The following SH3KBP1 variants were observed in gnomAD, a reference collection of about 807,000 sequenced individuals.
SH3KBP1 encodes the protein SH3 domain containing kinase binding protein 1, also known as SH3 domain-containing kinase-binding protein 1.
SH3KBP1 carries 8 observed loss-of-function variants against 50.1 expected under a neutral mutation model. The ratio of observed to expected loss-of-function variants is 0.16; its 90% CI spans 0.09 to 0.29. The LOEUF (loss-of-function observed/expected upper bound fraction) is 0.29, where lower values mean the gene tolerates loss of function less well. Ranked by LOEUF, SH3KBP1 falls within the 10% of genes least tolerant of loss-of-function variation. The pLI, the probability that SH3KBP1 is intolerant of heterozygous loss-of-function variation, is 1.00. For synonymous variants in SH3KBP1, 227 were observed against 218.6 expected (o/e 1.04, Z -0.34); for missense variants, 377 against 535.2 (o/e 0.70, Z 2.92).
intron 15 of SH3KBP1, among the ~76,000 whole-genome samples, chrX:19,544,709 C>T (rs1377021568): frequency 3.6e-5 from 4 of 112,051 alleles, no homozygotes; most frequent in African/African-American, 6.5e-5. Context: ...CGGCCCATTT[C>T]GGCTACTGAG....
chrX:19,859,085 AT>A (rs1212310072), intron 1 of SH3KBP1, among the ~76,000 whole-genome samples: 1 of 111,957 alleles, frequency 8.9e-6, no homozygotes, highest in African/African-American at 3.2e-5. Flanking sequence ...CACAAGAAGC[AT>A]TTTTTAATGA....
At chrX:19,553,672 T>C in intron 13 of SH3KBP1, among the ~76,000 whole-genome samples, 1 of 104,584 alleles carries the variant, frequency 9.6e-6, no homozygotes, top group East Asian at 3.0e-4. Flanking sequence ...CCCATTCTGT[T>C]TTACTGGTTG....
intron 6 of SH3KBP1, among the ~76,000 whole-genome samples, chrX:19,651,830 A>ACAGT (rs760163287): frequency 1.9e-3 from 214 of 111,916 alleles, no homozygotes; most frequent in South Asian, 9.0e-3. Flanking sequence ...CCTCATCTCT[A>ACAGT]CAGTCAGTCA....
intron 2 of SH3KBP1, among the ~76,000 whole-genome samples, chrX:19,788,462 C>T (rs1292861263): frequency 9.1e-6 from 1 of 110,092 alleles, no homozygotes; most frequent in Non-Finnish European, 1.9e-5. Flanking sequence ...TCAGAAGGAA[C>T]CAACCCTGCC....
chrX:19,758,211 C>T (rs1197559302), intron 2 of SH3KBP1, among the ~76,000 whole-genome samples: 1 of 108,266 alleles, frequency 9.2e-6, no homozygotes, highest in Non-Finnish European at 1.9e-5. Flanking sequence ...GCCTGTAATC[C>T]CAGCTACTCG....
intron 2 of SH3KBP1, among the ~76,000 whole-genome samples, chrX:19,791,336 G>C (rs755034452): frequency 9.0e-6 from 1 of 111,253 alleles, no homozygotes; most frequent in East Asian, 2.8e-4. Flanking sequence ...ACTCATAATA[G>C]AAGGTGACTT....
intron 2 of SH3KBP1, among the ~76,000 whole-genome samples, chrX:19,766,787 G>T (rs1490343945): frequency 9.0e-6 from 1 of 110,523 alleles, no homozygotes; most frequent in Non-Finnish European, 1.9e-5. Context: ...CACCACGCCT[G>T]GTCCGATTGT....
intron 2 of SH3KBP1, among the ~76,000 whole-genome samples, chrX:19,787,651 T>C (rs927028020): frequency 1.8e-5 from 2 of 111,957 alleles, no homozygotes; most frequent in Admixed American, 9.5e-5. Context: ...AGCCAACATA[T>C]ACAAAAAAGT....
chrX:19,585,026 T>C (rs1269316602), intron 12 of SH3KBP1, among the ~76,000 whole-genome samples: 1 of 112,367 alleles, frequency 8.9e-6, no homozygotes, highest in Non-Finnish European at 1.9e-5. Flanking sequence ...TCCACTAACT[T>C]GGCAGAAGAA....
chrX:19,540,135 G>A (rs1276606515), intron 16 of SH3KBP1, among the ~76,000 whole-genome samples: 2 of 111,632 alleles, frequency 1.8e-5, no homozygotes, highest in Non-Finnish European at 3.8e-5. Flanking sequence ...TCACCTGGAC[G>A]TGGATGGGGC....
At chrX:19,559,390 G>C (rs1420775405) in intron 13 of SH3KBP1, among the ~76,000 whole-genome samples, 2 of 98,426 alleles carry the variant, frequency 2.0e-5, no homozygotes, top group Admixed American at 1.1e-4. Context: ...CCAGTGGCAC[G>C]ATCTTGGCTC....
Position 19,653,329 on chromosome X carries a change from C to T in SH3KBP1, c.727-7854G>A, listed in dbSNP as rs140944283. Among the ~76,000 whole-genome samples the T allele has an allele frequency of 1.6e-3, 183 of 111,839 alleles. 5 individuals carry two copies. The East Asian group carries it at 0.039, about 24-fold the overall frequency. ...CAAAGATCCTATCCCCAGATTCCAT[C>T]TTCTTCATTTGATCTCCCACAAGAC... On this transcript the variant is annotated intron_variant, in intron 6 of 17. Transcript: ENST00000397821.
At chrX:19,560,885 G>A (rs1464824291) in intron 13 of SH3KBP1, among the ~76,000 whole-genome samples, 1 of 109,073 alleles carries the variant, frequency 9.2e-6, no homozygotes, top group African/African-American at 3.4e-5. Context: ...TGACCAGCCT[G>A]TGCAACACAG....
chrX:19,735,419 T>G (rs924386328), intron 3 of SH3KBP1, among the ~76,000 whole-genome samples: 3 of 110,210 alleles, frequency 2.7e-5, no homozygotes, highest in Non-Finnish European at 3.8e-5. Flanking sequence ...TTGAGATCTG[T>G]CTTCTTTTTG....
At position 19,675,161 on chromosome X, in the gene SH3KBP1, T is replaced by C. The variant is rs776324714; in HGVS notation, c.726+8662A>G. On this transcript the variant is annotated intron_variant, in intron 6 of 17. Coordinates refer to ENST00000397821, the MANE Select transcript of SH3KBP1 (RefSeq NM_031892.3). ...TCATTTATAGGTACTCTTTCTACTC[T>C]AATAACAATAAGGACAACAATAATA... 7.2e-5 allele frequency among the ~76,000 whole-genome samples: 8 copies of C among 111,554 alleles called. No homozygotes were observed. In the East Asian group the frequency reaches 2.2e-3, roughly 31 times the overall value.
At chrX:19,842,028 AAGAC>A (rs1243777529) in intron 1 of SH3KBP1, among the ~76,000 whole-genome samples, 1 of 111,002 alleles carries the variant, frequency 9.0e-6, no homozygotes, top group African/African-American at 3.3e-5. Flanking sequence ...CAAATCTAAA[AAGAC>A]AGAAAACCAA....
At chrX:19,845,870 A>G (rs1475322392) in intron 1 of SH3KBP1, among the ~76,000 whole-genome samples, 1 of 111,260 alleles carries the variant, frequency 9.0e-6, no homozygotes, top group Non-Finnish European at 1.9e-5. Context: ...TCAGCCTCCT[A>G]AAGTGCTGGA....
At chrX:19,682,439 G>A (rs1009691580) in intron 6 of SH3KBP1, among the ~76,000 whole-genome samples, 1 of 108,504 alleles carries the variant, frequency 9.2e-6, no homozygotes, top group South Asian at 4.1e-4. Context: ...GGAATGAACT[G>A]TTTGCTGACT....
At chrX:19,771,353 T>C (rs1178601897) in intron 2 of SH3KBP1, among the ~76,000 whole-genome samples, 1 of 111,395 alleles carries the variant, frequency 9.0e-6, no homozygotes, top group Non-Finnish European at 1.9e-5. Context: ...GGCTACTGAG[T>C]GTGACCAGGA....
Sources: allele counts gnomAD v4.1 joint callset (sites outside exome capture counted in the v4.1 genomes callset), GRCh38; gene constraint gnomAD v4.1.1; transcripts MANE v1.5; gene names NCBI Gene and HGNC (gene_info 2026-07-23, HGNC 2026-07-21).